Variants in BOP1 observed in about 807,000 individuals in gnomAD.
The protein encoded by BOP1 is ribosome biogenesis protein BOP1.
In BOP1, 54 loss-of-function variants were observed where a neutral mutation model predicts 82.9. The observed-to-expected ratio is 0.65, with a 90% CI of 0.52 to 0.82. BOP1 has a LOEUF of 0.82. Among genes scored for constraint, BOP1 ranks in the 40% least tolerant of loss-of-function variants. The pLI, the probability that BOP1 is intolerant of heterozygous loss-of-function variation, is 0.00. For missense variants in BOP1, 1,170 were observed against 1,072.0 expected, an observed-to-expected ratio of 1.09 and a Z score of -1.28; for synonymous variants, 566 against 451.1, an observed-to-expected ratio of 1.25 and a Z score of -3.23.
At chr8:144,267,079 G>A (rs1489612183) in intron 3 of BOP1, 4 of 1,395,518 alleles carry the variant, frequency 2.9e-6, no homozygotes, top group Non-Finnish European at 3.7e-6. Context: ...GGCGCGCGCC[G>A]GCAGCCCCCC....
intron 3 of BOP1, chr8:144,266,792 G>C (rs1428874788): frequency 1.8e-6 from 2 of 1,119,272 alleles, no homozygotes; most frequent in Non-Finnish European, 2.2e-6. Context: ...GGGGGCCGGC[G>C]GGCCGGGGGC....
chr8:144,268,157 C>G, intron 3 of BOP1: 1 of 1,550,750 alleles, frequency 6.4e-7, no homozygotes, highest in South Asian at 1.2e-5. Context: ...TGGCCGGCAG[C>G]AGCCAGGAGG....
chr8:144,262,451 A>T lies in BOP1; in HGVS notation c.2032T>A (p.Phe678Ile). 1 of 1,612,946 alleles carries T rather than the reference A, an allele frequency of 6.2e-7. No individual in the cohort carries two copies. Among genetic ancestry groups the T allele is most frequent in the Non-Finnish European group, 8.5e-7 (1 of 1,179,836 alleles). The change falls in exon 15 of 16, where the codon TTT becomes ATT. Residue 678 changes from phenylalanine to isoleucine, a missense_variant. Coordinates refer to ENST00000569669, the MANE Select transcript of BOP1 (RefSeq NM_015201.5). The stretch of plus-strand genomic sequence containing the variant: ...CTGCCGTCGTCCGAGCCTGACGCAA[A>T]GAGTGGGTACCGCGGGTGGAAGGCC... Reference protein sequence around the residue: ...AVAFHPRYPLFASGSDDGSVI... With the variant: ...AVAFHPRYPLIASGSDDGSVI...
Position 144,263,851 on chromosome 8 carries a change from A to G in BOP1, c.1201T>C (p.Phe401Leu). 1 of 1,611,408 alleles carries G rather than the reference A, an allele frequency of 6.2e-7. No individual in the cohort carries two copies. Among genetic ancestry groups the G allele is most frequent in the Non-Finnish European group, 8.5e-7 (1 of 1,179,614 alleles). Reference protein sequence around the residue: ...KLPRPRDLQPFPTCQALVYRG... With the variant: ...KLPRPRDLQPLPTCQALVYRG... ...CTTACCAGGGCCTGGCACGTGGGGA[A>G]GGGCTGCAGGTCCCTCGGCCGAGGC... Residue 401 changes from phenylalanine to leucine, a missense_variant, in exon 9 of 16, where the codon TTC (phenylalanine) becomes CTC (leucine). Physicochemically the swap from Phe to Leu is conservative, Grantham distance 22. Transcript: ENST00000569669.
At chr8:144,265,228 C>G in intron 3 of BOP1, 157 bp from the exon 4 acceptor site, 3 of 858,586 alleles carry the variant, frequency 3.5e-6, no homozygotes, top group Non-Finnish European at 5.3e-6. Flanking sequence ...GTTCCCCAGC[C>G]CTGGGGTCTG....
At chr8:144,268,956 C>T (rs1052750180) in intron 3 of BOP1, among the ~76,000 whole-genome samples, 1 of 152,170 alleles carries the variant, frequency 6.6e-6, no homozygotes, top group African/African-American at 2.4e-5. Context: ...GGGGGGGCTC[C>T]CAGCCCCAGC....
chr8:144,262,352 A>G, intron 15 of BOP1, 35 bp from the exon 16 acceptor site: 1 of 1,612,664 alleles, frequency 6.2e-7, no homozygotes, highest in Non-Finnish European at 8.5e-7. Context: ...GCACGGCCAG[A>G]CACCACTGCC....
At chr8:144,277,022 T>C (rs1304067234) in intron 2 of BOP1, among the ~76,000 whole-genome samples, 2 of 151,988 alleles carry the variant, frequency 1.3e-5, no homozygotes, top group African/African-American at 4.8e-5. Flanking sequence ...TGCCCTCGAC[T>C]GCGGAGGTGA....
intron 3 of BOP1, chr8:144,266,816 G>T: frequency 8.3e-7 from 1 of 1,197,898 alleles, no homozygotes; most frequent in Non-Finnish European, 1.0e-6. Flanking sequence ...GGGCCAGGGG[G>T]CCGGCCAGGC....
At chr8:144,273,713 T>C (rs2130233441) in intron 3 of BOP1, among the ~76,000 whole-genome samples, 1 of 152,144 alleles carries the variant, frequency 6.6e-6, no homozygotes, top group Admixed American at 6.5e-5. Flanking sequence ...TGAGATCACG[T>C]CTGTGAAGCT....
Position 144,264,796 on chromosome 8 carries a change from A to G in BOP1, c.581T>C (p.Leu194Pro), listed in dbSNP as rs905925027. ...TVQDPMTGRD[L>P]RLTDEQVALV... is the part of the protein sequence containing the mutation. ...GGCCACCTGCTCATCCGTCAGTCTC[A>G]GGTCCCGCCCTGTCATCGGGTCCTG... Residue 194 changes from leucine (L) to proline (P), a missense_variant, in exon 5 of 16, where the codon CTG (leucine) becomes CCG (proline). Coordinates refer to ENST00000569669, the MANE Select transcript of BOP1 (RefSeq NM_015201.5). 6.4e-4 allele frequency: 1,034 copies of G among 1,609,086 alleles called. 1 individual carries two copies. Among genetic ancestry groups the G allele is most frequent in the Non-Finnish European group, 8.3e-4 (983 of 1,178,940 alleles).
At chr8:144,271,833 G>A (rs749258791) in intron 3 of BOP1, among the ~76,000 whole-genome samples, 8 of 152,276 alleles carry the variant, frequency 5.3e-5, no homozygotes, top group South Asian at 4.1e-4. Flanking sequence ...CGCCAACCAC[G>A]CATCTGCCCT....
chr8:144,269,347 G>T (rs956200874), intron 3 of BOP1, among the ~76,000 whole-genome samples: 5 of 152,216 alleles, frequency 3.3e-5, no homozygotes, highest in Admixed American at 2.0e-4. Context: ...AGGTGCGGGC[G>T]TCAGGGCGGC....
intron 1 of BOP1, among the ~76,000 whole-genome samples, chr8:144,290,600 G>A (rs1175084104): frequency 5.9e-5 from 9 of 152,242 alleles, no homozygotes; most frequent in African/African-American, 2.2e-4. Context: ...CAAACAACTG[G>A]CTCCTGAGGA....
Position 144,276,227 on chromosome 8 carries a change from C to A in BOP1, c.387G>T (p.Glu129Asp), listed in dbSNP as rs1554838288. Residue 129 changes from glutamate (E) to aspartate (D), a missense_variant, in exon 3 of 16, where the codon GAG becomes GAT. Glu to Asp is a conservative substitution (Grantham distance 45). Coordinates refer to ENST00000569669, the MANE Select transcript of BOP1 (RefSeq NM_015201.5). ...TGGGAAGCAGCCCCAGTCCTACCTCCTCATCAGAGCTGTCCTCCGCATACT... is the reference window on the plus strand; with the variant it reads ...TGGGAAGCAGCCCCAGTCCTACCTCATCATCAGAGCTGTCCTCCGCATACT... ...GDEYAEDSSDEEDIRNTVGNV... is the reference protein window; with the variant it reads ...GDEYAEDSSDDEDIRNTVGNV... 5 of 1,613,234 alleles carry A rather than the reference C, an allele frequency of 3.1e-6. No individual in the cohort carries two copies. The South Asian group carries it at 5.5e-5, about 18-fold the overall frequency.
At chr8:144,275,099 G>C (rs1286090948) in intron 3 of BOP1, among the ~76,000 whole-genome samples, 1 of 152,020 alleles carries the variant, frequency 6.6e-6, no homozygotes, top group Non-Finnish European at 1.5e-5. Context: ...AAGGATGGGG[G>C]AAGAACCTGG....
intron 2 of BOP1, among the ~76,000 whole-genome samples, chr8:144,278,829 T>C (rs587751712): frequency 1.3e-5 from 2 of 152,314 alleles, no homozygotes; most frequent in Non-Finnish European, 2.9e-5. Flanking sequence ...CGATGGCTCG[T>C]GTGACAGCAA....
intron 3 of BOP1, 94 bp downstream of exon 3, chr8:144,276,130 C>T: frequency 6.8e-7 from 1 of 1,461,064 alleles, no homozygotes; most frequent in Non-Finnish European, 9.5e-7. Context: ...GGTCCCAGCA[C>T]CCCCAGGGCA....
intron 3 of BOP1, among the ~76,000 whole-genome samples, chr8:144,269,511 G>A (rs1845455482): frequency 6.6e-6 from 1 of 152,236 alleles, no homozygotes; most frequent in East Asian, 1.9e-4. Flanking sequence ...AGGAAGCAGT[G>A]GTGTAATTTT....
Sources: gnomAD v4.1 joint callset for allele counts (sites outside exome capture counted in the v4.1 genomes callset) on GRCh38, gnomAD v4.1.1 for gene constraint, MANE v1.5 for transcripts, NCBI Gene and HGNC (gene_info 2026-07-23, HGNC 2026-07-21) for gene names.